Variants in RASSF2 observed in about 807,000 individuals in gnomAD.
The protein encoded by RASSF2 is Ras association domain family member 2.
RASSF2 carries 34 observed loss-of-function variants against 46.3 expected under a neutral mutation model. The ratio of observed to expected loss-of-function variants is 0.73; its 90% CI spans 0.56 to 0.98. The LOEUF (loss-of-function observed/expected upper bound fraction) is 0.98. Among genes scored for constraint, RASSF2 ranks in the 50% least tolerant of loss-of-function variants. The pLI is 0.00. For missense variants in RASSF2, 364 were observed against 431.2 expected (o/e 0.84, Z 1.38); for synonymous variants, 158 against 162.5 (o/e 0.97, Z 0.21).
At chr20:4,802,328 C>T (rs1157695328) in intron 2 of RASSF2, among the ~76,000 whole-genome samples, 2 of 150,684 alleles carry the variant, frequency 1.3e-5, no homozygotes, top group Non-Finnish European at 2.9e-5. Context: ...GCAGCACTAC[C>T]CCAGTGATGA....
intron 2 of RASSF2, among the ~76,000 whole-genome samples, chr20:4,803,014 A>G (rs1383271589): frequency 1.3e-5 from 2 of 150,982 alleles, no homozygotes; most frequent in Non-Finnish European, 2.9e-5. Context: ...GGCTGAAGTG[A>G]TCCTCCCACC....
intron 5 of RASSF2, 35 bp from the exon 6 acceptor site, chr20:4,792,662 C>T (rs898165991): frequency 6.2e-7 from 1 of 1,608,554 alleles, no homozygotes; most frequent in Admixed American, 1.7e-5. Context: ...AGGGGGGAGA[C>T]TAGTTTAAGC....
At chr20:4,811,830 C>T (rs1927844945) in intron 2 of RASSF2, among the ~76,000 whole-genome samples, 1 of 152,126 alleles carries the variant, frequency 6.6e-6, no homozygotes, top group African/African-American at 2.4e-5. Context: ...GGGGCCTGTG[C>T]ACACCTCTTC....
In RASSF2 at chr20:4,795,654, C is replaced by CCT; in HGVS notation, c.287+160_287+161insAG. On this transcript the variant is annotated intron_variant, in intron 5 of 11. Transcript: ENST00000379400. The surrounding 1 kb of genome is among the most constrained non-coding windows in gnomAD (Gnocchi z 4.0). The stretch of plus-strand genomic sequence containing the variant: ...GGCTCAATCACAACCACATCTGCTG[C>CCT]TTGTTCCTCATTCCAAGGCTAAGGC... The CCT allele has an allele frequency of 1.2e-6, 1 of 819,576 alleles. No homozygotes were observed. 50.8% of individuals were successfully genotyped at this position (819,576 alleles called of 1,614,324 possible).
chr20:4,821,592 C>A (rs1928689963), intron 2 of RASSF2, among the ~76,000 whole-genome samples: 1 of 152,176 alleles, frequency 6.6e-6, no homozygotes, highest in African/African-American at 2.4e-5. Context: ...TACCATATGT[C>A]TCCCTGATAT....
chr20:4,806,462 T>C (rs1371354939), intron 2 of RASSF2, among the ~76,000 whole-genome samples: 1 of 152,180 alleles, frequency 6.6e-6, no homozygotes, highest in Non-Finnish European at 1.5e-5. Context: ...TTCTTTTTTT[T>C]GAGACGGTGT....
At chr20:4,803,871 C>T (rs1199164879) in intron 2 of RASSF2, among the ~76,000 whole-genome samples, 1 of 152,090 alleles carries the variant, frequency 6.6e-6, no homozygotes, top group Non-Finnish European at 1.5e-5. Context: ...CCAGCCTGGG[C>T]AACATGGGGA....
chr20:4,790,690 G>T lies in RASSF2; in HGVS notation c.377-79C>A, dbSNP rs8122874. 0.12 allele frequency: 136,303 copies of T among 1,164,616 alleles called. 7,900 individuals carry two copies. Among genetic ancestry groups the T allele is most frequent in the African/African-American group, 0.15 (9,432 of 61,430 alleles). The allele number at this position is 1,164,616 out of a possible 1,614,324, so 72.1% of individuals were successfully genotyped here. ...ATGGTCCCCAATTTGTGGCCAGTGCGACAGCACCCACTGTCTCCACAAATA... is the reference window on the plus strand; with the variant it reads ...ATGGTCCCCAATTTGTGGCCAGTGCTACAGCACCCACTGTCTCCACAAATA... On this transcript the variant is annotated intron_variant, in intron 6 of 11. Transcript: ENST00000379400. The surrounding 1 kb of genome is among the most constrained non-coding windows in gnomAD (Gnocchi z 4.3).
chr20:4,819,302 A>G (rs954483311), intron 2 of RASSF2, among the ~76,000 whole-genome samples: 5 of 152,196 alleles, frequency 3.3e-5, no homozygotes, highest in Non-Finnish European at 7.3e-5. Context: ...TATAAGTTAA[A>G]GCCTGTCTTA....
intron 2 of RASSF2, among the ~76,000 whole-genome samples, chr20:4,808,086 T>A (rs1438975683): frequency 6.6e-6 from 1 of 152,226 alleles, no homozygotes; most frequent in African/African-American, 2.4e-5. Context: ...GGAAGACGGT[T>A]TGTGGAACAG....
chr20:4,804,298 A>G (rs1927152868), intron 2 of RASSF2, among the ~76,000 whole-genome samples: 1 of 151,502 alleles, frequency 6.6e-6, no homozygotes, highest in Non-Finnish European at 1.5e-5. Context: ...AAACCGGAGT[A>G]CACATGTAAC....
At position 4,792,807 on chromosome 20, in the gene RASSF2, G is replaced by C. The variant is rs147379837; in HGVS notation, c.288-180C>G. Among the ~76,000 whole-genome samples, 451 of 152,314 alleles carry C rather than the reference G, an allele frequency of 3.0e-3. 4 individuals carry two copies. The highest frequency in any genetic ancestry group is 0.01 in the African/African-American group (433 of 41,574). ...GGCTGCGCGGAGCATCCCGTGAAAG[G>C]CTGGCCCAGCTCCCAGGTCAAGCAG... On this transcript the variant is annotated intron_variant, in intron 5 of 11. Coordinates refer to ENST00000379400, the MANE Select transcript of RASSF2 (RefSeq NM_014737.3).
intron 2 of RASSF2, 107 bp downstream of exon 2, chr20:4,822,222 A>T (rs1308049603): frequency 6.6e-6 from 1 of 152,154 alleles, no homozygotes; most frequent in Non-Finnish European, 1.5e-5. Context: ...CTTTCCTCCC[A>T]TTGTACTAAG....
chr20:4,780,738 G>T lies in RASSF2; in HGVS notation c.*3535C>A, dbSNP rs754525372. 1 of 152,218 alleles carries T rather than the reference G, an allele frequency of 6.6e-6. No individual in the cohort carries two copies. The highest frequency in any genetic ancestry group is 1.5e-5 in the Non-Finnish European group (1 of 68,074). The allele number at this position is 152,218 out of a possible 1,614,324, so 9.4% of individuals were successfully genotyped here. Reference sequence around the variant, plus strand: ...TCCCAACACTTTGGGAGGCCTAGGCGGGTGGATCACGAGGTCAGGAGTTCA... The same window carrying T: ...TCCCAACACTTTGGGAGGCCTAGGCTGGTGGATCACGAGGTCAGGAGTTCA... On this transcript the variant is annotated 3_prime_UTR_variant, in exon 12 of 12. Transcript: ENST00000379400.
At chr20:4,788,795 G>A (rs1925591063) in intron 8 of RASSF2, among the ~76,000 whole-genome samples, 1 of 152,224 alleles carries the variant, frequency 6.6e-6, no homozygotes. Context: ...TGTAGCACAC[G>A]ACTAGGATAG....
chr20:4,792,718 G>A, intron 5 of RASSF2, 91 bp from the exon 6 acceptor site: 1 of 1,501,852 alleles, frequency 6.7e-7, no homozygotes. Flanking sequence ...ACTCCTGAAA[G>A]GGGAGCACTT....
intron 2 of RASSF2, 93 bp from the exon 3 acceptor site, chr20:4,801,155 C>G (rs141013497): frequency 1.1e-6 from 1 of 874,584 alleles, no homozygotes; most frequent in African/African-American, 1.7e-5. Flanking sequence ...CAAAATTGGA[C>G]GCCATGGCTC....
chr20:4,810,847 T>G (rs912207349), intron 2 of RASSF2, among the ~76,000 whole-genome samples: 2 of 152,078 alleles, frequency 1.3e-5, no homozygotes, highest in African/African-American at 4.8e-5. Context: ...AGGAGAGGGC[T>G]TTCCATGGAG....
chr20:4,796,586 A>G (rs1601101330), intron 4 of RASSF2, among the ~76,000 whole-genome samples: 1 of 152,338 alleles, frequency 6.6e-6, no homozygotes, highest in South Asian at 2.1e-4. Flanking sequence ...GGGCTAAATG[A>G]CAACTCTCCA....
Sources: gnomAD v4.1 joint callset for allele counts (sites outside exome capture counted in the v4.1 genomes callset) on GRCh38, gnomAD v4.1.1 for gene constraint, Gnocchi (gnomAD v3.1) non-coding constraint, MANE v1.5 for transcripts, NCBI Gene and HGNC (gene_info 2026-07-23, HGNC 2026-07-21) for gene names.